OTOGL: variants seen among roughly 807,000 people sequenced by gnomAD.
OTOGL encodes otogelin-like protein.
Under a neutral mutation model 318.5 loss-of-function variants are expected in OTOGL, and 285 were observed. That is an observed-to-expected ratio of 0.89 (90% CI 0.81 to 0.99). The LOEUF (loss-of-function observed/expected upper bound fraction) is 0.99. Among genes scored for constraint, OTOGL ranks in the 50% least tolerant of loss-of-function variants. The pLI is 0.00. For missense variants in OTOGL, 2,899 were observed against 2,845.6 expected (o/e 1.02, Z -0.43); for synonymous variants, 987 against 936.5 (o/e 1.05, Z -0.99).
chr12:80,299,686 A>G (rs1885635210), intron 27 of OTOGL, among the ~76,000 whole-genome samples: 1 of 151,624 alleles, frequency 6.6e-6, no homozygotes, highest in Admixed American at 6.6e-5. Flanking sequence ...TATAAGATAT[A>G]AATATTTTAT....
At chr12:80,137,191 G>C (rs945233557) in intron 1 of OTOGL, among the ~76,000 whole-genome samples, 1 of 151,772 alleles carries the variant, frequency 6.6e-6, no homozygotes, top group African/African-American at 2.4e-5. Flanking sequence ...CTATCCAAAA[G>C]CTCTATGTGG....
At chr12:80,141,761 T>G (rs1234217606) in intron 1 of OTOGL, among the ~76,000 whole-genome samples, 1 of 152,208 alleles carries the variant, frequency 6.6e-6, no homozygotes, top group East Asian at 1.9e-4. Context: ...AAGTCAAGAA[T>G]TTCAAGTTGC....
intron 53 of OTOGL, among the ~76,000 whole-genome samples, chr12:80,366,851 A>G (rs899745728): frequency 6.6e-6 from 1 of 151,906 alleles, no homozygotes; most frequent in Non-Finnish European, 1.5e-5. Context: ...AGAAATATAA[A>G]TATTTTTTCA....
intron 46 of OTOGL, among the ~76,000 whole-genome samples, 178 bp from the exon 47 acceptor site, chr12:80,355,558 C>G (rs1474175031): frequency 6.6e-6 from 1 of 151,826 alleles, no homozygotes; most frequent in African/African-American, 2.4e-5. Flanking sequence ...TAAGTATAAA[C>G]TTTCATTAAA....
At chr12:80,120,423 T>C (rs538477592) in intron 1 of OTOGL, among the ~76,000 whole-genome samples, 1 of 152,268 alleles carries the variant, frequency 6.6e-6, no homozygotes, top group South Asian at 2.1e-4. Flanking sequence ...ACATACCTGT[T>C]GTTATATAAT....
intron 11 of OTOGL, among the ~76,000 whole-genome samples, chr12:80,249,830 A>C (rs1458186833): frequency 6.6e-6 from 1 of 151,876 alleles, no homozygotes; most frequent in African/African-American, 2.4e-5. Flanking sequence ...CCGTGGGCGT[A>C]GGACCCTCCG....
intron 1 of OTOGL, among the ~76,000 whole-genome samples, chr12:80,177,688 C>T (rs1874620374): frequency 6.6e-6 from 1 of 152,234 alleles, no homozygotes; most frequent in African/African-American, 2.4e-5. Context: ...TATATCTAAA[C>T]AATATTCAGT....
chr12:80,268,889 A>G (rs1284833365), intron 22 of OTOGL, among the ~76,000 whole-genome samples: 4 of 149,494 alleles, frequency 2.7e-5, no homozygotes, highest in Non-Finnish European at 2.9e-5. Context: ...TGATTAATGT[A>G]TGTAAACTTA....
Position 80,235,626 on chromosome 12 carries a change from C to G in OTOGL, c.817+2529C>G, listed in dbSNP as rs113277281. Among the ~76,000 whole-genome samples, 1,083 of 152,122 alleles carry G rather than the reference C, an allele frequency of 7.1e-3. 17 individuals carry two copies. Among genetic ancestry groups the G allele is most frequent in the African/African-American group, 0.025 (1,034 of 41,502 alleles). On this transcript the variant is annotated intron_variant, in intron 9 of 58. Transcript: ENST00000547103. ...TAAGGGCCAGACAGACTTATATGTT[C>G]CAGATAACCTGGAACATAAAATGGT...
intron 1 of OTOGL, among the ~76,000 whole-genome samples, chr12:80,129,669 C>A (rs1035146920): frequency 6.6e-6 from 1 of 152,050 alleles, no homozygotes; most frequent in Non-Finnish European, 1.5e-5. Context: ...TTTGTTACCT[C>A]TGTTTCTTCA....
chr12:80,195,213 G>A (rs534226156), intron 1 of OTOGL, among the ~76,000 whole-genome samples: 1 of 152,244 alleles, frequency 6.6e-6, no homozygotes, highest in South Asian at 2.1e-4. Flanking sequence ...CTAGAAACAG[G>A]CCATTCTTAT....
intron 52 of OTOGL, among the ~76,000 whole-genome samples, chr12:80,365,732 TA>T (rs1195158956): frequency 6.6e-6 from 1 of 152,158 alleles, no homozygotes; most frequent in Non-Finnish European, 1.5e-5. Context: ...TACAAGGCAC[TA>T]TAAAAAGCAA....
intron 52 of OTOGL, among the ~76,000 whole-genome samples, chr12:80,362,877 C>G (rs543007320): frequency 6.6e-6 from 1 of 152,240 alleles, no homozygotes; most frequent in African/African-American, 2.4e-5. Flanking sequence ...AACCCTCTCT[C>G]TCACCTAGAG....
At chr12:80,152,960 C>T (rs1487220378) in intron 1 of OTOGL, among the ~76,000 whole-genome samples, 1 of 152,190 alleles carries the variant, frequency 6.6e-6, no homozygotes, top group African/African-American at 2.4e-5. Flanking sequence ...TCCCAAAGTG[C>T]TGGGATTACA....
chr12:80,367,783 C>A (rs1351621582), intron 54 of OTOGL, 44 bp downstream of exon 54: 3 of 1,246,320 alleles, frequency 2.4e-6, no homozygotes, highest in African/African-American at 3.2e-5. Context: ...TTAATGCATT[C>A]AAAAATGGCA....
chr12:80,226,400 C>A (rs1486428763), intron 7 of OTOGL, among the ~76,000 whole-genome samples: 1 of 151,824 alleles, frequency 6.6e-6, no homozygotes, highest in African/African-American at 2.4e-5. Context: ...TTTTTCTTTG[C>A]TGTATTCTCT....
intron 57 of OTOGL, among the ~76,000 whole-genome samples, chr12:80,373,175 T>C (rs1890984075): frequency 1.3e-5 from 2 of 152,162 alleles, no homozygotes; most frequent in Admixed American, 1.3e-4. Flanking sequence ...AATACCATGC[T>C]GTAATCACAG....
intron 7 of OTOGL, among the ~76,000 whole-genome samples, chr12:80,224,559 T>C (rs1377087439): frequency 6.6e-6 from 1 of 152,138 alleles, no homozygotes; most frequent in Non-Finnish European, 1.5e-5. Context: ...ATGGGATGTG[T>C]TTCTATTTGT....
At chr12:80,360,559 G>T (rs1263058664) in intron 52 of OTOGL, among the ~76,000 whole-genome samples, 1 of 150,958 alleles carries the variant, frequency 6.6e-6, no homozygotes, top group Non-Finnish European at 1.5e-5. Flanking sequence ...TCTGCTCACC[G>T]CAACCTCTGC....
Sources: gnomAD v4.1 joint callset for allele counts (sites outside exome capture counted in the v4.1 genomes callset) on GRCh38, gnomAD v4.1.1 for gene constraint, MANE v1.5 for transcripts, NCBI Gene and HGNC (gene_info 2026-07-23, HGNC 2026-07-21) for gene names.